PCLO: variants seen among roughly 807,000 people sequenced by gnomAD.
PCLO encodes piccolo presynaptic cytomatrix protein.
Under a neutral mutation model 427.5 loss-of-function variants are expected in PCLO, and 82 were observed. The observed-to-expected ratio is 0.19, with a 90% confidence interval of 0.16 to 0.23. The LOEUF (loss-of-function observed/expected upper bound fraction) is 0.23, where lower values mean the gene tolerates loss of function less well. Ranked by LOEUF, PCLO falls within the 10% of genes least tolerant of loss-of-function variation. The pLI is 1.00. For synonymous variants in PCLO, 2,357 were observed against 2,155.4 expected (o/e 1.09, Z -2.59); for missense variants, 6,239 against 6,115.9 (o/e 1.02, Z -0.67).
rs535634525 is a variant in PCLO at position 82,958,123 on chromosome 7, C to A, written c.4018-1188G>T. 9.3e-4 allele frequency among the ~76,000 whole-genome samples: 141 copies of A among 152,288 alleles called. 1 individual carries two copies. Among genetic ancestry groups the A allele is most frequent in the African/African-American group, 3.2e-3 (135 of 41,574 alleles). ...GGTTAGGGGAACAGCTGCCTAAGAGCATGCTATAGCTCATTCTAGCCTGTG... is the reference window on the plus strand; with the variant it reads ...GGTTAGGGGAACAGCTGCCTAAGAGAATGCTATAGCTCATTCTAGCCTGTG... On this transcript the variant is annotated intron_variant, in intron 4 of 24. Coordinates refer to ENST00000333891, the MANE Select transcript of PCLO (RefSeq NM_033026.6).
intron 3 of PCLO, among the ~76,000 whole-genome samples, chr7:82,985,405 G>A (rs1232673278): frequency 6.6e-6 from 1 of 152,038 alleles, no homozygotes; most frequent in Non-Finnish European, 1.5e-5. Context: ...TCTGTGACAG[G>A]CACCTGGAGT....
At chr7:82,885,789 G>GAAA (rs552464459) in intron 9 of PCLO, among the ~76,000 whole-genome samples, 2 of 139,144 alleles carry the variant, frequency 1.4e-5, no homozygotes, top group African/African-American at 5.1e-5. Flanking sequence ...AGAGCAAATG[G>GAAA]AAAAAAAAAA....
intron 22 of PCLO, among the ~76,000 whole-genome samples, chr7:82,782,015 G>C (rs1186198470): frequency 6.6e-6 from 1 of 152,166 alleles, no homozygotes; most frequent in African/African-American, 2.4e-5. Flanking sequence ...TCTGTGAATT[G>C]TTTCAGCAAA....
chr7:83,014,313 GTAT>G (rs1388327712), intron 3 of PCLO, among the ~76,000 whole-genome samples: 14 of 152,076 alleles, frequency 9.2e-5, no homozygotes, highest in Non-Finnish European at 1.9e-4. Flanking sequence ...ATAAGCAGAA[GTAT>G]TTCTCAGTTG....
At chr7:82,876,722 G>A (rs752502357) in intron 10 of PCLO, among the ~76,000 whole-genome samples, 3 of 152,018 alleles carry the variant, frequency 2.0e-5, no homozygotes, top group Non-Finnish European at 2.9e-5. Context: ...TTCAGAACCA[G>A]TATTTAAATA....
chr7:82,785,504 A>T (rs958871014), intron 22 of PCLO, among the ~76,000 whole-genome samples: 6 of 152,186 alleles, frequency 3.9e-5, no homozygotes, highest in Non-Finnish European at 7.3e-5. Flanking sequence ...ATTATTCTAT[A>T]TATTTCTATA....
intron 20 of PCLO, among the ~76,000 whole-genome samples, chr7:82,807,309 G>T (rs1791475654): frequency 6.6e-6 from 1 of 152,144 alleles, no homozygotes; most frequent in Non-Finnish European, 1.5e-5. Flanking sequence ...GTTCTACTTA[G>T]AGTCTTTTTT....
intron 3 of PCLO, among the ~76,000 whole-genome samples, chr7:83,100,542 A>G (rs552578233): frequency 5.3e-5 from 8 of 152,274 alleles, no homozygotes; most frequent in African/African-American, 1.9e-4. Context: ...TCCTTAGCAA[A>G]CTAACACAGA....
intron 9 of PCLO, among the ~76,000 whole-genome samples, chr7:82,901,771 G>A (rs569109109): frequency 1.3e-5 from 2 of 152,226 alleles, no homozygotes; most frequent in South Asian, 4.1e-4. Flanking sequence ...CAAAGGATAT[G>A]AACAGACACT....
At chr7:83,010,588 A>C (rs1306752929) in intron 3 of PCLO, among the ~76,000 whole-genome samples, 1 of 150,130 alleles carries the variant, frequency 6.7e-6, no homozygotes, top group Non-Finnish European at 1.5e-5. Flanking sequence ...TAAAATAATT[A>C]TATTTTAATA....
intron 6 of PCLO, among the ~76,000 whole-genome samples, chr7:82,932,889 TA>T (rs1195836236): frequency 2.0e-5 from 3 of 152,116 alleles, no homozygotes; most frequent in Non-Finnish European, 2.9e-5. Flanking sequence ...TACACTGTAA[TA>T]GAAAACTAAT....
chr7:83,156,071 G>C lies in PCLO; in HGVS notation c.570C>G (p.Thr190=). Residue 190 remains threonine (T), a synonymous_variant, in exon 2 of 25, where the codon ACC becomes ACG. Coordinates refer to ENST00000333891, the MANE Select transcript of PCLO (RefSeq NM_033026.6). ...CCTTCTGAACCACTTTTTGTTTCTT[G>C]GTGGTTTCTTCCTGGGATGCCTCAG... is the stretch of plus-strand genomic sequence containing the variant. ...SDSEASQEET[T]KKQKVVQKEQ... 1 of 1,613,384 alleles carries C rather than the reference G, an allele frequency of 6.2e-7. No individual in the cohort carries two copies. The highest frequency in any genetic ancestry group is 8.5e-7 in the Non-Finnish European group (1 of 1,179,740).
At chr7:82,838,877 C>T (rs910024818) in intron 14 of PCLO, among the ~76,000 whole-genome samples, 3 of 151,834 alleles carry the variant, frequency 2.0e-5, no homozygotes, top group Admixed American at 6.6e-5. Flanking sequence ...GATATTAAAC[C>T]TATAGATACC....
At chr7:83,054,686 A>G (rs867287832) in intron 3 of PCLO, among the ~76,000 whole-genome samples, 7 of 152,178 alleles carry the variant, frequency 4.6e-5, no homozygotes, top group African/African-American at 1.7e-4. Context: ...GTAAACCATC[A>G]GCATAAAATC....
At chr7:82,809,852 G>C (rs1187218285) in intron 20 of PCLO, among the ~76,000 whole-genome samples, 1 of 151,358 alleles carries the variant, frequency 6.6e-6, no homozygotes, top group Non-Finnish European at 1.5e-5. Flanking sequence ...AGAAAAAGGT[G>C]ATCATTCAAC....
At chr7:83,070,014 A>C (rs1009372397) in intron 3 of PCLO, among the ~76,000 whole-genome samples, 4 of 151,998 alleles carry the variant, frequency 2.6e-5, no homozygotes, top group Non-Finnish European at 4.4e-5. Flanking sequence ...CACTTCTAAG[A>C]ATTGGTTATA....
chr7:82,934,447 A>C (rs918831251), intron 6 of PCLO, among the ~76,000 whole-genome samples: 6 of 151,868 alleles, frequency 4.0e-5, no homozygotes. Flanking sequence ...CTGTAACATA[A>C]ATTTGATTAA....
chr7:83,115,948 C>T (rs904339810), intron 3 of PCLO, among the ~76,000 whole-genome samples: 3 of 151,862 alleles, frequency 2.0e-5, no homozygotes, highest in South Asian at 2.1e-4. Context: ...CACACAAGCA[C>T]ACATATATAA....
intron 3 of PCLO, among the ~76,000 whole-genome samples, chr7:82,980,402 C>T (rs534131644): frequency 1.2e-4 from 19 of 152,186 alleles, no homozygotes; most frequent in African/African-American, 4.6e-4. Flanking sequence ...GGGAAGTCAG[C>T]TGGAGTCTCA....
Sources: gnomAD v4.1 joint callset for allele counts (sites outside exome capture counted in the v4.1 genomes callset) on GRCh38, gnomAD v4.1.1 for gene constraint, MANE v1.5 for transcripts, NCBI Gene and HGNC (gene_info 2026-07-23, HGNC 2026-07-21) for gene names.